Variants in DMXL2 observed in about 807,000 individuals in gnomAD.
DMXL2 encodes Dmx like 2, also known as dmX-like protein 2.
A neutral mutation model predicts 331.1 loss-of-function variants in DMXL2; 103 were observed. That is an observed-to-expected ratio of 0.31 (90% CI 0.27 to 0.37). DMXL2 has a LOEUF of 0.37. Ranked by LOEUF, DMXL2 falls within the 10% of genes least tolerant of loss-of-function variation. The probability of loss-of-function intolerance (pLI) is 1.00; values close to 1 mark genes in which losing one functional copy is unlikely to be tolerated. For synonymous variants in DMXL2, 1,281 were observed against 1,252.1 expected (o/e 1.02, Z -0.49); for missense variants, 3,171 against 3,642.9 (o/e 0.87, Z 3.33).
chr15:51,587,227 T>C (rs2051911026), intron 1 of DMXL2, among the ~76,000 whole-genome samples: 1 of 152,242 alleles, frequency 6.6e-6, no homozygotes, highest in African/African-American at 2.4e-5. Context: ...TGCAGGTTTG[T>C]TACATATGTA....
At chr15:51,450,012 C>G (rs1450484749) in intron 43 of DMXL2, 117 bp downstream of exon 43, 1 of 896,284 alleles carries the variant, frequency 1.1e-6, no homozygotes, top group East Asian at 2.7e-5. Context: ...TATGCAGTAT[C>G]TCCATGCAGT....
At chr15:51,617,409 T>C (rs1386696712) in intron 1 of DMXL2, among the ~76,000 whole-genome samples, 1 of 152,178 alleles carries the variant, frequency 6.6e-6, no homozygotes, top group Non-Finnish European at 1.5e-5. Flanking sequence ...TCTCCTCAGC[T>C]GTAAGCCCAA....
At chr15:51,590,993 C>A (rs146758930) in intron 1 of DMXL2, among the ~76,000 whole-genome samples, 1 of 151,574 alleles carries the variant, frequency 6.6e-6, no homozygotes, top group African/African-American at 2.4e-5. Flanking sequence ...CAGTCTACAG[C>A]TCCCAGAGTG....
At chr15:51,572,054 A>C (rs2050704704) in intron 2 of DMXL2, among the ~76,000 whole-genome samples, 1 of 152,068 alleles carries the variant, frequency 6.6e-6, no homozygotes, top group African/African-American at 2.4e-5. Context: ...ACTAATAAAG[A>C]AAAAAAGAGA....
chr15:51,537,088 G>A (rs2048329744), intron 11 of DMXL2, among the ~76,000 whole-genome samples: 1 of 152,112 alleles, frequency 6.6e-6, no homozygotes, highest in South Asian at 2.1e-4. Flanking sequence ...ACAACAAAAT[G>A]ACCACAGCCA....
intron 14 of DMXL2, among the ~76,000 whole-genome samples, chr15:51,515,802 T>C (rs1285105154): frequency 2.0e-5 from 3 of 152,136 alleles, no homozygotes; most frequent in Non-Finnish European, 4.4e-5. Context: ...CAAAGGAGGC[T>C]AAAGTAGGGG....
intron 20 of DMXL2, among the ~76,000 whole-genome samples, chr15:51,490,192 C>T (rs901303857): frequency 1.3e-5 from 2 of 152,130 alleles, no homozygotes; most frequent in Admixed American, 6.5e-5. Flanking sequence ...CAGCCTTACA[C>T]GTAACAGTAA....
chr15:51,449,551 T>A (rs1435340279), intron 43 of DMXL2, among the ~76,000 whole-genome samples: 4 of 152,206 alleles, frequency 2.6e-5, no homozygotes, highest in African/African-American at 9.6e-5. Flanking sequence ...TTACGATGGT[T>A]TGACAAGACT....
At chr15:51,537,122 G>T (rs556840797) in intron 11 of DMXL2, among the ~76,000 whole-genome samples, 28 of 152,216 alleles carry the variant, frequency 1.8e-4, no homozygotes, top group Non-Finnish European at 3.1e-4. Flanking sequence ...CAATAAAGTT[G>T]AGAGAGATGA....
intron 18 of DMXL2, 108 bp downstream of exon 18, chr15:51,498,444 T>C (rs2043344620): frequency 8.6e-7 from 1 of 1,160,496 alleles, no homozygotes; most frequent in Non-Finnish European, 1.2e-6. Flanking sequence ...GTCTTTTCCC[T>C]GCAAAGTTTG....
intron 1 of DMXL2, among the ~76,000 whole-genome samples, chr15:51,612,997 G>T (rs535109297): frequency 6.6e-6 from 1 of 152,200 alleles, no homozygotes; most frequent in Non-Finnish European, 1.5e-5. Flanking sequence ...ATTTGCTTTT[G>T]AAAGTAGAGA....
intron 15 of DMXL2, among the ~76,000 whole-genome samples, chr15:51,512,245 G>A (rs2046799100): frequency 6.6e-6 from 1 of 151,566 alleles, no homozygotes; most frequent in African/African-American, 2.4e-5. Context: ...GCATAATGAG[G>A]GTGTATATAA....
At chr15:51,523,534 G>C in intron 13 of DMXL2, among the ~76,000 whole-genome samples, 1 of 152,174 alleles carries the variant, frequency 6.6e-6, no homozygotes, top group East Asian at 1.9e-4. Context: ...TTTGAACGTA[G>C]GGTCTTGCAG....
intron 6 of DMXL2, among the ~76,000 whole-genome samples, chr15:51,553,534 T>C (rs896352596): frequency 2.6e-5 from 4 of 152,138 alleles, no homozygotes; most frequent in Non-Finnish European, 5.9e-5. Context: ...ATAACATGGG[T>C]TTGAACTGCA....
chr15:51,587,576 T>C (rs989602541), intron 1 of DMXL2, among the ~76,000 whole-genome samples: 31 of 152,308 alleles, frequency 2.0e-4, no homozygotes, highest in East Asian at 1.5e-3. Context: ...CATTGTTGGA[T>C]ATTTGGGTTG....
chr15:51,521,482 A>G (rs1414115888), intron 13 of DMXL2, among the ~76,000 whole-genome samples: 1 of 150,908 alleles, frequency 6.6e-6, no homozygotes, highest in Non-Finnish European at 1.5e-5. Flanking sequence ...TAGTAGTAGT[A>G]GTAGTAGCAG....
intron 6 of DMXL2, among the ~76,000 whole-genome samples, chr15:51,556,044 C>T (rs957125200): frequency 5.9e-5 from 9 of 152,076 alleles, no homozygotes; most frequent in Non-Finnish European, 1.2e-4. Flanking sequence ...AAATCTTAAA[C>T]AAAAGATCAG....
chr15:51,459,716 A>C lies in DMXL2; in HGVS notation c.7927-56T>G, dbSNP rs973311889. 5.4e-5 allele frequency: 70 copies of C among 1,284,546 alleles called. No individual in the cohort carries two copies. In the African/African-American group the frequency reaches 8.1e-4, roughly 15 times the overall value. The allele number at this position is 1,284,546 out of a possible 1,614,324, so 79.6% of individuals were successfully genotyped here. A position where few individuals can be genotyped will look rare whatever the true frequency, so the allele number is the denominator to read the frequency against. Reference sequence around the variant, plus strand: ...AACACATGCATGGAATGAAATTATAAAGACAGTGAAATATTTCAAGCTGAA... The same window carrying C: ...AACACATGCATGGAATGAAATTATACAGACAGTGAAATATTTCAAGCTGAA... On this transcript the variant is annotated intron_variant, in intron 33 of 43. Transcript: ENST00000560891.
chr15:51,575,501 G>C (rs1294914261), intron 2 of DMXL2, among the ~76,000 whole-genome samples: 2 of 152,094 alleles, frequency 1.3e-5, no homozygotes, highest in African/African-American at 4.8e-5. Flanking sequence ...CATTATGTTT[G>C]AAAATTGGGG....
Sources: allele counts gnomAD v4.1 joint callset (sites outside exome capture counted in the v4.1 genomes callset), GRCh38; gene constraint gnomAD v4.1.1; transcripts MANE v1.5; gene names NCBI Gene and HGNC (gene_info 2026-07-23, HGNC 2026-07-21).